The following HHIPL1 variants were observed in gnomAD, a reference collection of about 807,000 sequenced individuals.
HHIPL1 encodes HHIP like 1.
Under a neutral mutation model 61.8 loss-of-function variants are expected in HHIPL1, and 43 were observed. That is an observed-to-expected ratio of 0.70 (90% CI 0.55 to 0.90). The LOEUF (loss-of-function observed/expected upper bound fraction) is 0.90. Ranked by LOEUF, HHIPL1 falls within the 40% of genes least tolerant of loss-of-function variation. The pLI is 0.00. For missense variants in HHIPL1, 1,056 were observed against 1,157.7 expected (o/e 0.91, Z 1.28); for synonymous variants, 482 against 515.8 (o/e 0.93, Z 0.89).
chr14:99,645,294 CT>C lies in HHIPL1; in HGVS notation c.89del (p.Phe30SerfsTer27). The C allele has an allele frequency of 6.9e-7, 1 of 1,449,838 alleles. No individual in the cohort carries two copies. The highest frequency in any genetic ancestry group is 9.0e-7 in the Non-Finnish European group (1 of 1,105,900). The allele number at this position is 1,449,838 out of a possible 1,614,324, so 89.8% of individuals were successfully genotyped here. Reference sequence around the variant, plus strand: ...CGCAGTGCCTGGACTTCAGGCCGCCCTTCCGGCCGACGCAGCCGCTGCGCCT... The same window carrying C: ...CGCAGTGCCTGGACTTCAGGCCGCCCTCCGGCCGACGCAGCCGCTGCGCCT... ...HPQCLDFRPP[F>X]RPTQPLRLCA... On this transcript the variant is annotated frameshift_variant, in exon 1 of 9. Transcript: ENST00000330710. LOFTEE classifies it high-confidence loss of function.
chr14:99,646,453 G>C (rs1025628449), intron 1 of HHIPL1, among the ~76,000 whole-genome samples: 22 of 152,224 alleles, frequency 1.4e-4, no homozygotes, highest in African/African-American at 5.3e-4. Flanking sequence ...TTCGTGACCT[G>C]GGCAGGTCAC....
intron 3 of HHIPL1, among the ~76,000 whole-genome samples, chr14:99,657,864 C>T (rs2056077003): frequency 6.6e-6 from 1 of 151,924 alleles, no homozygotes; most frequent in African/African-American, 2.4e-5. Context: ...ACAATACACA[C>T]ACATATACAC....
the HHIPL1 span, among the ~76,000 whole-genome samples, chr14:99,607,521 A>G: frequency 6.6e-6 from 1 of 152,174 alleles, no homozygotes; most frequent in Non-Finnish European, 1.5e-5. Flanking sequence ...TGTGAGAGCC[A>G]GCAGGGGCTG....
the HHIPL1 span, among the ~76,000 whole-genome samples, chr14:99,630,692 G>A: frequency 6.6e-6 from 1 of 151,988 alleles, no homozygotes; most frequent in Non-Finnish European, 1.5e-5. Context: ...GCGGCCTCCC[G>A]GTCACACAGA....
rs149631797 is a variant in HHIPL1 at position 99,660,866 on chromosome 14, A to G, written c.1502+460A>G. ...CCCACCCCACCCCAGCCAGGACTGC[A>G]GGGAGCTTGCAAAGGTTGAGAAACT... On this transcript the variant is annotated intron_variant, in intron 5 of 8. Coordinates refer to ENST00000330710, the MANE Select transcript of HHIPL1 (RefSeq NM_001127258.3). The surrounding 1 kb of genome is among the most constrained non-coding windows in gnomAD (Gnocchi z 4.9). Among the ~76,000 whole-genome samples, 217 of 152,266 alleles carry G rather than the reference A, an allele frequency of 1.4e-3. No individual in the cohort carries two copies. Among genetic ancestry groups the G allele is most frequent in the Non-Finnish European group, 2.5e-3 (168 of 68,002 alleles).
intron 1 of HHIPL1, among the ~76,000 whole-genome samples, chr14:99,648,964 C>G (rs996234315): frequency 2.0e-5 from 3 of 152,186 alleles, no homozygotes; most frequent in African/African-American, 7.2e-5. Context: ...ACTGAATGGC[C>G]CGGGCGGCTG....
At chr14:99,611,234 A>T in the HHIPL1 span, among the ~76,000 whole-genome samples, 1 of 151,906 alleles carries the variant, frequency 6.6e-6, no homozygotes, top group Non-Finnish European at 1.5e-5. Context: ...GACTCACTCA[A>T]GTGATCCTCC....
the HHIPL1 span, among the ~76,000 whole-genome samples, chr14:99,620,828 C>T: frequency 6.6e-6 from 1 of 152,246 alleles, no homozygotes; most frequent in South Asian, 2.1e-4. Context: ...AGCCCATTTC[C>T]CTCTGGGGAC....
chr14:99,622,766 T>C, the HHIPL1 span, among the ~76,000 whole-genome samples: 9 of 152,138 alleles, frequency 5.9e-5, no homozygotes, highest in Non-Finnish European at 1.3e-4. Context: ...AGGCCTGGGA[T>C]TGGCCAGGCT....
chr14:99,612,170 G>A, the HHIPL1 span, among the ~76,000 whole-genome samples: 1 of 152,226 alleles, frequency 6.6e-6, no homozygotes, highest in South Asian at 2.1e-4. Flanking sequence ...ACGGTGGCAG[G>A]AGAGAGAATG....
chr14:99,613,379 G>C, the HHIPL1 span, among the ~76,000 whole-genome samples: 1 of 151,332 alleles, frequency 6.6e-6, no homozygotes, highest in Non-Finnish European at 1.5e-5. Context: ...AGGCTGGAGT[G>C]CAGTGGTGCC....
rs1162824481 is a variant in HHIPL1, at chr14:99,645,333, C to T, written c.126C>T (p.Tyr42=). 7 of 1,458,752 alleles carry T rather than the reference C, an allele frequency of 4.8e-6. No homozygotes were observed. Among genetic ancestry groups the T allele is most frequent in the Non-Finnish European group, 6.3e-6 (7 of 1,110,226 alleles). The allele number at this position is 1,458,752 out of a possible 1,614,324, so 90.4% of individuals were successfully genotyped here. A position where few individuals can be genotyped will look rare whatever the true frequency, so the allele number is the denominator to read the frequency against. ...PTQPLRLCAQ[Y]SDFGCCDEGR... ...AGCCGCTGCGCCTCTGCGCGCAGTA[C>T]TCGGACTTCGGCTGCTGCGATGAGG... Residue 42 remains tyrosine, a synonymous_variant, in exon 1 of 9, where the codon TAC becomes TAT. Transcript: ENST00000330710.
chr14:99,648,027 A>G (rs1198434743), intron 1 of HHIPL1, among the ~76,000 whole-genome samples: 1 of 152,138 alleles, frequency 6.6e-6, no homozygotes, highest in East Asian at 1.9e-4. Flanking sequence ...AATGTATTCT[A>G]TGGGCTCATG....
At chr14:99,667,667 C>G (rs964137979) in intron 6 of HHIPL1, among the ~76,000 whole-genome samples, 1 of 152,168 alleles carries the variant, frequency 6.6e-6, no homozygotes, top group Non-Finnish European at 1.5e-5. Context: ...GCCTCGAGGA[C>G]CTGGCAGGGC....
chr14:99,618,738 A>G, the HHIPL1 span, among the ~76,000 whole-genome samples: 1 of 152,214 alleles, frequency 6.6e-6, no homozygotes, highest in Non-Finnish European at 1.5e-5. Flanking sequence ...GCCCCTCCCA[A>G]TGCCTAGGCC....
intron 2 of HHIPL1, among the ~76,000 whole-genome samples, chr14:99,655,110 C>G (rs1335723283): frequency 6.6e-6 from 1 of 152,186 alleles, no homozygotes; most frequent in African/African-American, 2.4e-5. Context: ...CTGTCAGTCT[C>G]TCCTCCCAGA....
chr14:99,652,335 C>A lies in HHIPL1; in HGVS notation c.367C>A (p.Arg123=), dbSNP rs766596893. 2.5e-6 allele frequency: 4 copies of A among 1,614,146 alleles called. No individual in the cohort carries two copies. Among genetic ancestry groups the A allele is most frequent in the Non-Finnish European group, 3.4e-6 (4 of 1,180,042 alleles). ...CTGCCTGGACATGTGGCATAAGTGC[C>A]GGGGGCTGTTCCGTCACCTGTCAAC... The part of the protein sequence containing the change: ...DYCLDMWHKC[R]GLFRHLSTDQ... The change falls in exon 2 of 9, where the codon CGG becomes AGG. Residue 123 remains arginine (R), a synonymous_variant. Transcript: ENST00000330710.
intron 5 of HHIPL1, among the ~76,000 whole-genome samples, chr14:99,661,409 GA>G (rs1449719662): frequency 2.7e-5 from 4 of 145,848 alleles, no homozygotes; most frequent in African/African-American, 5.2e-5. Context: ...AAGAAAGAGA[GA>G]GAGAGAGAAA....
chr14:99,621,879 CTAA>C, the HHIPL1 span, among the ~76,000 whole-genome samples: 1 of 151,844 alleles, frequency 6.6e-6, no homozygotes, highest in Non-Finnish European at 1.5e-5. Flanking sequence ...CCATGCCCGG[CTAA>C]TTTTTTGTAT....
Sources: allele counts gnomAD v4.1 joint callset (sites outside exome capture counted in the v4.1 genomes callset), GRCh38; gene constraint gnomAD v4.1.1; non-coding constraint Gnocchi (gnomAD v3.1); transcripts MANE v1.5; gene names NCBI Gene and HGNC (gene_info 2026-07-23, HGNC 2026-07-21).